Variants in VRK2 observed in about 807,000 individuals in gnomAD.
The protein encoded by VRK2 is serine/threonine-protein kinase VRK2.
In VRK2, 60 loss-of-function variants were observed where a neutral mutation model predicts 57.6. That is an observed-to-expected ratio of 1.04 (90% confidence interval 0.85 to 1.29). The LOEUF is 1.29. Among genes scored for constraint, VRK2 ranks in the 50% most tolerant of loss-of-function variants. VRK2 has a pLI of 0.00. For missense variants in VRK2, 705 were observed against 588.1 expected, an observed-to-expected ratio of 1.20 and a Z score of -2.06; for synonymous variants, 231 against 199.2, an observed-to-expected ratio of 1.16 and a Z score of -1.35.
At chr2:58,069,101 A>G (rs1005753846) in intron 2 of VRK2, among the ~76,000 whole-genome samples, 1 of 152,066 alleles carries the variant, frequency 6.6e-6, no homozygotes, top group Non-Finnish European at 1.5e-5. Flanking sequence ...TTTCATGGAT[A>G]TGTTGAATAT....
chr2:57,940,058 T>A (rs1671043643), intron 1 of VRK2, among the ~76,000 whole-genome samples: 1 of 152,184 alleles, frequency 6.6e-6, no homozygotes, highest in Non-Finnish European at 1.5e-5. Flanking sequence ...TAAAAGTCAT[T>A]GTATTAGTCA....
rs947534069 is a variant in VRK2, at chr2:57,943,870, T to C, written c.-439+36031T>C. On this transcript the variant is annotated intron_variant, in intron 1 of 15. Coordinates refer to the VRK2 transcript ENST00000417641. Reference sequence around the variant, plus strand: ...CTGTAAAGGGTCAGACAGCAAACATTTTATGCTTGGCAGGCCATATGGTGT... The same window carrying C: ...CTGTAAAGGGTCAGACAGCAAACATCTTATGCTTGGCAGGCCATATGGTGT... Among the ~76,000 whole-genome samples the C allele has an allele frequency of 1.3e-4, 20 of 152,274 alleles. No individual in the cohort carries two copies. In the East Asian group the frequency reaches 3.7e-3, roughly 28 times the overall value.
intron 2 of VRK2, among the ~76,000 whole-genome samples, chr2:58,032,385 T>G (rs1019544507): frequency 1.3e-5 from 2 of 151,990 alleles, no homozygotes; most frequent in Non-Finnish European, 2.9e-5. Flanking sequence ...CATTGTCTAG[T>G]GAGGATCCAC....
intron 10 of VRK2, among the ~76,000 whole-genome samples, chr2:58,136,782 GT>G (rs1680091540): frequency 7.0e-6 from 1 of 143,880 alleles, no homozygotes; most frequent in Non-Finnish European, 1.5e-5. Flanking sequence ...TCATATATAT[GT>G]GTATATATAT....
intron 10 of VRK2, among the ~76,000 whole-genome samples, chr2:58,137,188 T>TATATCATATATCATATATATCATATAC: frequency 1.3e-5 from 1 of 75,744 alleles, no homozygotes; most frequent in Non-Finnish European, 2.3e-5. Context: ...ATATCATATA[T>TATATCATATATCATATATATCATATAC]GATACATATA....
Position 57,919,725 on chromosome 2 carries a change from C to T in VRK2, c.-439+11886C>T, listed in dbSNP as rs1377869351. ...TCCATTTTTCTTACCTGGCAGGCAG[C>T]TAGGGGCTACAGAGTCAAATAATGA... On this transcript the variant is annotated intron_variant, in intron 1 of 15. Coordinates refer to the VRK2 transcript ENST00000417641. Among the ~76,000 whole-genome samples, 4 of 152,022 alleles carry T rather than the reference C, an allele frequency of 2.6e-5. No homozygotes were observed. In the East Asian group the frequency reaches 7.7e-4, roughly 29 times the overall value.
At chr2:58,105,642 T>C (rs957881696) in intron 7 of VRK2, among the ~76,000 whole-genome samples, 5 of 151,830 alleles carry the variant, frequency 3.3e-5, no homozygotes, top group Non-Finnish European at 4.4e-5. Flanking sequence ...ATATAGGCTT[T>C]TTTTTTTCAG....
intron 8 of VRK2, among the ~76,000 whole-genome samples, chr2:58,129,091 G>C (rs1045765323): frequency 8.5e-5 from 13 of 152,160 alleles, no homozygotes; most frequent in Non-Finnish European, 1.5e-5. Context: ...ATATAAGTTA[G>C]ATGCTATTAA....
intron 7 of VRK2, among the ~76,000 whole-genome samples, chr2:58,092,836 C>T (rs1004323843): frequency 6.6e-6 from 1 of 152,176 alleles, no homozygotes; most frequent in Non-Finnish European, 1.5e-5. Context: ...ATGACAGGCC[C>T]CGGTGTGTGT....
At chr2:58,121,340 G>A (rs17049353) in intron 7 of VRK2, among the ~76,000 whole-genome samples, 6,282 of 152,182 alleles carry the variant, frequency 0.041, 438 homozygotes, top group African/African-American at 0.14. Flanking sequence ...GTAATTATCA[G>A]TATGTTCATT....
At chr2:58,098,054 T>G (rs973184657) in intron 7 of VRK2, among the ~76,000 whole-genome samples, 1 of 152,054 alleles carries the variant, frequency 6.6e-6, no homozygotes, top group Non-Finnish European at 1.5e-5. Flanking sequence ...ATTCATGATC[T>G]TCACCATGTG....
chr2:57,933,631 T>G (rs1159614407), intron 1 of VRK2, among the ~76,000 whole-genome samples: 1 of 150,202 alleles, frequency 6.7e-6, no homozygotes, highest in Admixed American at 6.6e-5. Flanking sequence ...AGATTTTAAG[T>G]GAGTCTTAGC....
intron 1 of VRK2, among the ~76,000 whole-genome samples, chr2:57,985,533 T>A (rs1236440461): frequency 6.6e-6 from 1 of 152,032 alleles, no homozygotes; most frequent in Non-Finnish European, 1.5e-5. Context: ...CTCCTATATA[T>A]ATGATATTAT....
intron 4 of VRK2, among the ~76,000 whole-genome samples, chr2:58,085,540 A>G (rs749027686): frequency 2.6e-5 from 4 of 151,990 alleles, no homozygotes; most frequent in African/African-American, 4.8e-5. Context: ...TAAATGTGAT[A>G]TAGATGGGCT....
At chr2:58,146,770 T>TCC (rs1491272267) in intron 12 of VRK2, among the ~76,000 whole-genome samples, 1 of 129,858 alleles carries the variant, frequency 7.7e-6, no homozygotes, top group African/African-American at 2.5e-5. Context: ...GGACTCAATG[T>TCC]ATTCTATACT....
At chr2:57,982,894 C>G (rs1672475422) in intron 1 of VRK2, among the ~76,000 whole-genome samples, 2 of 152,220 alleles carry the variant, frequency 1.3e-5, no homozygotes, top group South Asian at 4.1e-4. Flanking sequence ...AGACTTCTGT[C>G]TCTGCCAACT....
chr2:57,987,441 A>T (rs1057497346), intron 1 of VRK2, among the ~76,000 whole-genome samples: 4 of 152,182 alleles, frequency 2.6e-5, no homozygotes, highest in African/African-American at 9.7e-5. Flanking sequence ...AGGTAAATTA[A>T]AATTATGAGA....
chr2:57,971,502 G>T (rs1672097842), intron 1 of VRK2, among the ~76,000 whole-genome samples: 1 of 151,706 alleles, frequency 6.6e-6, no homozygotes, highest in Non-Finnish European at 1.5e-5. Flanking sequence ...TTGCAAGCAG[G>T]GCTTTCTCTA....
At chr2:58,123,327 G>T in intron 8 of VRK2, 94 bp downstream of exon 8, 27 of 1,454,146 alleles carry the variant, frequency 1.9e-5, no homozygotes, top group Non-Finnish European at 2.5e-5. Context: ...TGCATAGTCA[G>T]TTTGAAGCAT....
Sources: allele counts gnomAD v4.1 joint callset (sites outside exome capture counted in the v4.1 genomes callset), GRCh38; gene constraint gnomAD v4.1.1; transcripts MANE v1.5; gene names NCBI Gene and HGNC (gene_info 2026-07-23, HGNC 2026-07-21).